Variants in COG5 observed in about 807,000 individuals in gnomAD.
COG5 encodes component of oligomeric golgi complex 5.
A neutral mutation model predicts 110.4 loss-of-function variants in COG5; 86 were observed. The ratio of observed to expected loss-of-function variants is 0.78; its 90% CI spans 0.65 to 0.93. COG5 has a LOEUF of 0.93. Among genes scored for constraint, COG5 ranks in the 40% least tolerant of loss-of-function variants. COG5 has a pLI of 0.00. For synonymous variants in COG5, 360 were observed against 334.6 expected (o/e 1.08, Z -0.83); for missense variants, 1,077 against 987.0 (o/e 1.09, Z -1.22).
intron 5 of COG5, among the ~76,000 whole-genome samples, chr7:107,547,303 C>T (rs1004246936): frequency 1.3e-5 from 2 of 152,042 alleles, no homozygotes; most frequent in Non-Finnish European, 2.9e-5. Flanking sequence ...GCAGAAAAGG[C>T]ACTTGGTAAA....
chr7:107,288,519 A>G (rs1050831222), intron 12 of COG5, among the ~76,000 whole-genome samples: 1 of 152,070 alleles, frequency 6.6e-6, no homozygotes, highest in Non-Finnish European at 1.5e-5. Context: ...GGGGCGTGAC[A>G]TAGTGGTTCT....
At chr7:107,481,214 GGTA>G (rs1300614446) in intron 6 of COG5, among the ~76,000 whole-genome samples, 12 of 152,216 alleles carry the variant, frequency 7.9e-5, no homozygotes, top group Admixed American at 7.9e-4. Flanking sequence ...TTTTCTCAGA[GGTA>G]TTAAGCAAGG....
chr7:107,334,416 G>A (rs2129032676), intron 10 of COG5, among the ~76,000 whole-genome samples: 1 of 152,062 alleles, frequency 6.6e-6, no homozygotes, highest in South Asian at 2.1e-4. Context: ...AGAAAGCTAT[G>A]AATATCCAGT....
intron 11 of COG5, among the ~76,000 whole-genome samples, chr7:107,320,174 G>A (rs1215728775): frequency 2.0e-5 from 3 of 152,074 alleles, no homozygotes; most frequent in African/African-American, 7.2e-5. Flanking sequence ...AAAAATTGGT[G>A]ACTCTGTGAA....
At chr7:107,325,054 TG>T (rs924931317) in intron 10 of COG5, among the ~76,000 whole-genome samples, 2 of 152,186 alleles carry the variant, frequency 1.3e-5, no homozygotes, top group Admixed American at 1.3e-4. Context: ...CAAAAGAGAA[TG>T]GCTGAAGCCT....
chr7:107,238,498 T>C (rs1801371976), intron 17 of COG5, among the ~76,000 whole-genome samples: 1 of 152,160 alleles, frequency 6.6e-6, no homozygotes, highest in African/African-American at 2.4e-5. Context: ...TGATTTCAAG[T>C]TCTTAGGTTA....
chr7:107,324,406 T>C (rs1454201267), intron 11 of COG5, 34 bp downstream of exon 11: 1 of 1,324,766 alleles, frequency 7.5e-7, no homozygotes, highest in South Asian at 1.2e-5. Context: ...CTTAAAACTT[T>C]GAAATTAATT....
chr7:107,343,088 G>A (rs754409793), intron 10 of COG5, among the ~76,000 whole-genome samples: 2 of 152,070 alleles, frequency 1.3e-5, no homozygotes, highest in African/African-American at 4.8e-5. Context: ...ACAGCTGAAG[G>A]CCATTATCCT....
chr7:107,546,894 T>C (rs1802495832), intron 5 of COG5, among the ~76,000 whole-genome samples: 1 of 152,126 alleles, frequency 6.6e-6, no homozygotes, highest in Non-Finnish European at 1.5e-5. Context: ...AAAAGTCTCC[T>C]AACAAAGAAA....
chr7:107,560,187 G>C (rs948378013), intron 1 of COG5, among the ~76,000 whole-genome samples: 1 of 152,168 alleles, frequency 6.6e-6, no homozygotes, highest in African/African-American at 2.4e-5. Context: ...ACGATGGTGA[G>C]AGTATTTACA....
chr7:107,435,496 T>C (rs976526472), intron 6 of COG5, among the ~76,000 whole-genome samples: 5 of 151,848 alleles, frequency 3.3e-5, no homozygotes, highest in African/African-American at 1.2e-4. Context: ...CTACTAAAAA[T>C]ACAAAAATTA....
At chr7:107,476,067 T>C (rs1277275055) in intron 6 of COG5, among the ~76,000 whole-genome samples, 1 of 149,776 alleles carries the variant, frequency 6.7e-6, no homozygotes, top group Non-Finnish European at 1.5e-5. Flanking sequence ...GCCTATAATA[T>C]ACAAATGAAA....
Position 107,296,669 on chromosome 7 carries a change from C to G in COG5, c.1313+1473G>C, listed in dbSNP as rs534034390. Among the ~76,000 whole-genome samples the G allele has an allele frequency of 4.9e-3, 744 of 151,680 alleles. 10 individuals carry two copies. Among genetic ancestry groups the G allele is most frequent in the African/African-American group, 0.017 (703 of 41,286 alleles). Reference sequence around the variant, plus strand: ...TAACTCCTAGGCTCAAGAGACCTTCCCCAGTAGCTGGGATTACAAGCATGT... The same window carrying G: ...TAACTCCTAGGCTCAAGAGACCTTCGCCAGTAGCTGGGATTACAAGCATGT... On this transcript the variant is annotated intron_variant, in intron 12 of 21. Coordinates refer to ENST00000297135, the MANE Select transcript of COG5 (RefSeq NM_006348.5).
chr7:107,354,862 G>A (rs1010602413), intron 10 of COG5, among the ~76,000 whole-genome samples: 2 of 152,114 alleles, frequency 1.3e-5, no homozygotes, highest in South Asian at 4.1e-4. Context: ...ACAATCAGTG[G>A]TAGCAAATCA....
intron 6 of COG5, among the ~76,000 whole-genome samples, chr7:107,428,735 T>C (rs953018463): frequency 1.3e-5 from 2 of 152,206 alleles, no homozygotes; most frequent in African/African-American, 4.8e-5. Context: ...AATTTAGGCC[T>C]GAAGCTATAG....
chr7:107,486,860 G>C lies in COG5; in HGVS notation c.538+40377C>G, dbSNP rs149424845. Among the ~76,000 whole-genome samples the C allele has an allele frequency of 9.2e-5, 14 of 152,274 alleles. No homozygotes were observed. The East Asian group carries it at 2.3e-3, about 25-fold the overall frequency. On this transcript the variant is annotated intron_variant, in intron 6 of 21. Coordinates refer to ENST00000297135, the MANE Select transcript of COG5 (RefSeq NM_006348.5). ...ATGCTTAACCATTCCCAAAGACAGT[G>C]AGTTGTACAACTCCAGGAGGCACAG... is the stretch of plus-strand genomic sequence containing the variant.
At chr7:107,362,467 G>C in intron 8 of COG5, 47 bp from the exon 9 acceptor site, 2 of 1,137,680 alleles carry the variant, frequency 1.8e-6, no homozygotes, top group Non-Finnish European at 2.6e-6. Context: ...TTTTCCAAAG[G>C]CAAATATATA....
intron 11 of COG5, 60 bp downstream of exon 11, chr7:107,324,380 T>C (rs535094651): frequency 2.7e-5 from 30 of 1,100,082 alleles, no homozygotes; most frequent in Admixed American, 2.2e-4. Context: ...CTTCTTGACA[T>C]CAAATGATAA....
intron 10 of COG5, among the ~76,000 whole-genome samples, chr7:107,344,749 C>G (rs1562978899): frequency 6.6e-6 from 1 of 152,168 alleles, no homozygotes; most frequent in Non-Finnish European, 1.5e-5. Flanking sequence ...GTCTTGAACT[C>G]CCAACCTCAG....
Sources: allele counts gnomAD v4.1 joint callset (sites outside exome capture counted in the v4.1 genomes callset), GRCh38; gene constraint gnomAD v4.1.1; transcripts MANE v1.5; gene names NCBI Gene and HGNC (gene_info 2026-07-23, HGNC 2026-07-21).